Variants in IL1RAPL2 observed in about 807,000 individuals in gnomAD.
IL1RAPL2 encodes X-linked interleukin-1 receptor accessory protein-like 2.
In IL1RAPL2, 3 loss-of-function variants were observed where a neutral mutation model predicts 44.1. The ratio of observed to expected loss-of-function variants is 0.07; its 90% CI spans 0.03 to 0.18. The LOEUF (loss-of-function observed/expected upper bound fraction) is 0.18, where lower values mean the gene tolerates loss of function less well. Among genes scored for constraint, IL1RAPL2 ranks in the 10% least tolerant of loss-of-function variants. The pLI is 1.00. For synonymous variants in IL1RAPL2, 181 were observed against 178.8 expected, an observed-to-expected ratio of 1.01 and a Z score of -0.10; for missense variants, 391 against 496.4, an observed-to-expected ratio of 0.79 and a Z score of 2.02.
intron 2 of IL1RAPL2, among the ~76,000 whole-genome samples, chrX:105,075,734 T>C (rs996592942): frequency 1.8e-5 from 2 of 112,170 alleles, no homozygotes; most frequent in African/African-American, 6.5e-5. Flanking sequence ...GTTATTGGTC[T>C]ATTCAGAGAT....
intron 6 of IL1RAPL2, among the ~76,000 whole-genome samples, chrX:105,702,426 G>A (rs1468887037): frequency 9.0e-6 from 1 of 110,961 alleles, no homozygotes; most frequent in Non-Finnish European, 1.9e-5. Context: ...AAAATTTGCA[G>A]TATGGTCACG....
chrX:105,669,324 A>AT (rs2037797499), intron 6 of IL1RAPL2, among the ~76,000 whole-genome samples: 1 of 111,329 alleles, frequency 9.0e-6, no homozygotes, highest in Non-Finnish European at 1.9e-5. Context: ...TCTTCTGCAC[A>AT]TGTGCTTAAT....
Position 104,855,681 on chromosome X carries a change from G to GTTTTTT in IL1RAPL2, c.82+196698_82+196703dup, listed in dbSNP as rs1556002120. On this transcript the variant is annotated intron_variant, in intron 2 of 10. Transcript: ENST00000372582. ...TTAACTGTGCTAAGGATCTGGATCC[G>GTTTTTT]TTTTTTTTTTTTTTTTTACTGTATC... Among the ~76,000 whole-genome samples, 31 of 53,865 alleles carry GTTTTTT rather than the reference G, an allele frequency of 5.8e-4. 2 individuals are homozygous for GTTTTTT. The highest frequency in any genetic ancestry group is 1.7e-3 in the African/African-American group (28 of 16,527). 46.8% of individuals were successfully genotyped at this position (53,865 alleles called of 115,157 possible).
rs72616875 is a variant in IL1RAPL2 at position 104,682,460 on chromosome X, A to T, written c.82+23465A>T. ...CATATACAGCCAATCAACAGAATAG[A>T]ATCAGAGAATAATGGAATATTAGCT... On this transcript the variant is annotated intron_variant, in intron 2 of 10. Transcript: ENST00000372582. 3.6e-5 allele frequency among the ~76,000 whole-genome samples: 4 copies of T among 112,417 alleles called. No homozygotes were observed. The East Asian group carries it at 1.1e-3, about 31-fold the overall frequency.
intron 2 of IL1RAPL2, among the ~76,000 whole-genome samples, chrX:105,035,820 C>T (rs983783429): frequency 1.8e-5 from 2 of 112,435 alleles, no homozygotes; most frequent in African/African-American, 6.5e-5. Flanking sequence ...ACCTTTTATT[C>T]CATGAGAAAT....
At chrX:105,384,249 C>T (rs1363057421) in intron 5 of IL1RAPL2, among the ~76,000 whole-genome samples, 1 of 111,527 alleles carries the variant, frequency 9.0e-6, no homozygotes, top group Non-Finnish European at 1.9e-5. Flanking sequence ...TCAGGTCCCA[C>T]ATTTGTCTTT....
At chrX:105,400,513 C>T (rs1332046046) in intron 5 of IL1RAPL2, among the ~76,000 whole-genome samples, 1 of 111,228 alleles carries the variant, frequency 9.0e-6, no homozygotes, top group Non-Finnish European at 1.9e-5. Flanking sequence ...ATCCATAGCC[C>T]AGTACTTGAT....
intron 4 of IL1RAPL2, among the ~76,000 whole-genome samples, chrX:105,235,854 A>G (rs1170956367): frequency 8.9e-6 from 1 of 111,848 alleles, no homozygotes; most frequent in Admixed American, 9.5e-5. Flanking sequence ...GGAGAACAAA[A>G]CCACTGAGGC....
chrX:104,883,178 C>A (rs776865571), intron 2 of IL1RAPL2, among the ~76,000 whole-genome samples: 1 of 111,736 alleles, frequency 8.9e-6, no homozygotes, highest in African/African-American at 3.2e-5. Context: ...CACCTATCGC[C>A]AAGCGGTGAG....
At chrX:105,602,006 C>G (rs2037255735) in intron 6 of IL1RAPL2, among the ~76,000 whole-genome samples, 1 of 111,474 alleles carries the variant, frequency 9.0e-6, no homozygotes, top group Admixed American at 9.5e-5. Flanking sequence ...GGCTTGCCTG[C>G]CAGGTGCCTG....
At chrX:104,978,992 G>A (rs1385478308) in intron 2 of IL1RAPL2, among the ~76,000 whole-genome samples, 1 of 110,449 alleles carries the variant, frequency 9.1e-6, no homozygotes, top group African/African-American at 3.3e-5. Context: ...CTTTGGACTA[G>A]GCATAGTGAT....
chrX:104,866,298 A>C (rs1339650296), intron 2 of IL1RAPL2, among the ~76,000 whole-genome samples: 1 of 111,752 alleles, frequency 8.9e-6, no homozygotes, highest in African/African-American at 3.3e-5. Context: ...AAGGAAATAG[A>C]AAGTATTGGA....
intron 2 of IL1RAPL2, among the ~76,000 whole-genome samples, chrX:105,033,104 T>A (rs181948195): frequency 4.3e-4 from 48 of 111,589 alleles, no homozygotes; most frequent in South Asian, 2.3e-3. Flanking sequence ...CTTTATTTTG[T>A]GGCTATGTGT....
intron 2 of IL1RAPL2, among the ~76,000 whole-genome samples, chrX:105,193,098 T>C (rs1166130839): frequency 1.8e-5 from 2 of 111,903 alleles, no homozygotes; most frequent in Non-Finnish European, 3.8e-5. Flanking sequence ...CCATCACAAA[T>C]AGGCCAAAGC....
intron 4 of IL1RAPL2, among the ~76,000 whole-genome samples, chrX:105,239,692 T>A (rs1296387872): frequency 9.1e-6 from 1 of 110,098 alleles, no homozygotes; most frequent in African/African-American, 3.4e-5. Flanking sequence ...CAACCCTCCC[T>A]CAGTTGTGAG....
intron 2 of IL1RAPL2, among the ~76,000 whole-genome samples, chrX:105,144,681 T>A (rs777018894): frequency 1.8e-5 from 2 of 111,981 alleles, no homozygotes; most frequent in African/African-American, 6.5e-5. Flanking sequence ...GTTTCCTGTA[T>A]CTGGAATATA....
chrX:105,473,385 T>C (rs1158012558), intron 5 of IL1RAPL2, among the ~76,000 whole-genome samples: 2 of 111,989 alleles, frequency 1.8e-5, no homozygotes, highest in East Asian at 5.6e-4. Context: ...ATTTACACTT[T>C]ATTTTCTACC....
intron 5 of IL1RAPL2, among the ~76,000 whole-genome samples, chrX:105,409,883 G>T (rs1218792523): frequency 1.0e-4 from 2 of 19,470 alleles, no homozygotes; most frequent in Admixed American, 2.0e-3. Flanking sequence ...TAGAGTGTGG[G>T]GGGGGGGTTG....
At chrX:104,575,587 A>C (rs1928229929) in intron 1 of IL1RAPL2, among the ~76,000 whole-genome samples, 1 of 111,535 alleles carries the variant, frequency 9.0e-6, no homozygotes, top group Non-Finnish European at 1.9e-5. Flanking sequence ...GATGCTGCAT[A>C]TCTTGGCATG....
Sources: allele counts gnomAD v4.1 joint callset (sites outside exome capture counted in the v4.1 genomes callset), GRCh38; gene constraint gnomAD v4.1.1; transcripts MANE v1.5; gene names NCBI Gene and HGNC (gene_info 2026-07-23, HGNC 2026-07-21).